The following ACBD5 variants were observed in gnomAD, a reference collection of about 807,000 sequenced individuals.
ACBD5 encodes the protein acyl-CoA binding domain containing 5, also known as acyl-CoA-binding domain-containing protein 5.
A neutral mutation model predicts 71.8 loss-of-function variants in ACBD5; 40 were observed. The ratio of observed to expected loss-of-function variants is 0.56; its 90% CI spans 0.43 to 0.72. ACBD5 has a LOEUF of 0.72. Among genes scored for constraint, ACBD5 ranks in the 30% least tolerant of loss-of-function variants. The pLI, the probability that ACBD5 is intolerant of heterozygous loss-of-function variation, is 0.00. For synonymous variants in ACBD5, 229 were observed against 218.6 expected (o/e 1.05, Z -0.42); for missense variants, 559 against 644.5 (o/e 0.87, Z 1.44).
chr10:27,195,659 C>T lies in ACBD5; in HGVS notation c.*1771G>A, dbSNP rs1211590824. 1.4e-5 allele frequency: 6 copies of T among 420,254 alleles called. No individual in the cohort carries two copies. Among genetic ancestry groups the T allele is most frequent in the African/African-American group, 1.3e-4 (6 of 47,904 alleles). The allele number at this position is 420,254 out of a possible 1,614,324, so 26.0% of individuals were successfully genotyped here. The stretch of plus-strand genomic sequence containing the variant: ...CTTTTTCCTAAATAAATAGGGAACA[C>T]TTTTTTAAAAGCAAATAGTAGTAGA... On this transcript the variant is annotated 3_prime_UTR_variant, in exon 13 of 13. Coordinates refer to ENST00000396271, the MANE Select transcript of ACBD5 (RefSeq NM_145698.5).
At chr10:27,200,638 T>C (rs565599865) in intron 12 of ACBD5, among the ~76,000 whole-genome samples, 233 of 152,134 alleles carry the variant, frequency 1.5e-3, no homozygotes, top group Non-Finnish European at 2.9e-3. Flanking sequence ...TCTGTATTTT[T>C]AGTAGAGATA....
At chr10:27,227,009 A>ATTTTTTTTTTTTTTTTTTTTTTTTTTTT (rs56406048) in intron 4 of ACBD5, among the ~76,000 whole-genome samples, 1 of 78,392 alleles carries the variant, frequency 1.3e-5, no homozygotes, top group Non-Finnish European at 2.2e-5. Context: ...TTTTTTTGCG[A>ATTTTTTTTTTTTTTTTTTTTTTTTTTTT]TTTTTTTTTT....
chr10:27,193,526 A>T (rs1430485894), downstream of ACBD5: 1 of 152,236 alleles, frequency 6.6e-6, no homozygotes, highest in Non-Finnish European at 1.5e-5. Flanking sequence ...ACAAAAATAT[A>T]ACTATGAGAG....
At chr10:27,217,220 C>T (rs1564634007) in intron 7 of ACBD5, among the ~76,000 whole-genome samples, 4 of 146,920 alleles carry the variant, frequency 2.7e-5, no homozygotes, top group South Asian at 2.2e-4. Flanking sequence ...CTTTGGGAGG[C>T]CAAGGCGGGT....
At chr10:27,183,951 AT>A (rs1331017402) in intron 13 of ACBD5, among the ~76,000 whole-genome samples, 1 of 152,154 alleles carries the variant, frequency 6.6e-6, no homozygotes, top group Non-Finnish European at 1.5e-5. Context: ...GGCTCAAGCC[AT>A]CCGCCCACCT....
intron 8 of ACBD5, 72 bp from the exon 9 acceptor site, chr10:27,211,153 T>C (rs1183654968): frequency 1.4e-6 from 2 of 1,428,610 alleles, no homozygotes; most frequent in Non-Finnish European, 9.8e-7. Context: ...TTTACAGCAA[T>C]AGGAGAAATA....
chr10:27,205,113 C>T (rs1265935115), intron 11 of ACBD5, 85 bp downstream of exon 11: 7 of 1,335,004 alleles, frequency 5.2e-6, no homozygotes, highest in African/African-American at 2.9e-5. Flanking sequence ...GGCAACAGAG[C>T]GAGACTCCGT....
intron 6 of ACBD5, among the ~76,000 whole-genome samples, chr10:27,218,580 G>C (rs1016914032): frequency 3.3e-5 from 4 of 119,680 alleles, no homozygotes; most frequent in African/African-American, 1.1e-4. Context: ...GCAAAACTAA[G>C]TTACACAGTT....
At chr10:27,211,306 G>C (rs575901686) in intron 8 of ACBD5, among the ~76,000 whole-genome samples, 1 of 152,080 alleles carries the variant, frequency 6.6e-6, no homozygotes, top group South Asian at 2.1e-4. Context: ...AAGAAGCTTG[G>C]GTAGTAAATT....
intron 6 of ACBD5, 58 bp from the exon 7 acceptor site, chr10:27,218,241 A>G: frequency 2.3e-6 from 3 of 1,324,158 alleles, no homozygotes; most frequent in South Asian, 2.3e-5. Context: ...CCTTCTGCAT[A>G]CCATGTTTTA....
In ACBD5 at chr10:27,221,353, T is replaced by C. The variant is rs78246522; in HGVS notation, c.491-1496A>G. On this transcript the variant is annotated intron_variant, in intron 5 of 12. Transcript: ENST00000396271. ...CCTCGTTTTACTTCAGGTCAGGTTT[T>C]ACTCCCCAGATTTTTAGTTCATATC... Among the ~76,000 whole-genome samples, 897 of 152,324 alleles carry C rather than the reference T, an allele frequency of 5.9e-3. 5 individuals carry two copies. The highest frequency in any genetic ancestry group is 0.021 in the Middle Eastern group (6 of 292).
At position 27,195,337 on chromosome 10, in the gene ACBD5, T is replaced by G. The variant is rs1259463598; in HGVS notation, c.*2093A>C. On this transcript the variant is annotated 3_prime_UTR_variant, in exon 13 of 13. Coordinates refer to ENST00000396271, the MANE Select transcript of ACBD5 (RefSeq NM_145698.5). ...TTCTTATTAAACAAAGCAGGAACAC[T>G]ATATCCTATAATTACATCTTTACTT... is the stretch of plus-strand genomic sequence containing the variant. The G allele has an allele frequency of 4.4e-6, 2 of 453,846 alleles. No homozygotes were observed. The highest frequency in any genetic ancestry group is 8.8e-6 in the Non-Finnish European group (2 of 226,674). 28.1% of individuals were successfully genotyped at this position (453,846 alleles called of 1,614,324 possible). A position where few individuals can be genotyped will look rare whatever the true frequency, so the allele number is the denominator to read the frequency against.
chr10:27,239,893 C>A (rs2065247582), intron 2 of ACBD5, among the ~76,000 whole-genome samples: 1 of 152,150 alleles, frequency 6.6e-6, no homozygotes, highest in Non-Finnish European at 1.5e-5. Flanking sequence ...ACTACAGGCG[C>A]ACGCCACGAA....
At chr10:27,197,683 T>C (rs2059491126) in intron 12 of ACBD5, among the ~76,000 whole-genome samples, 1 of 152,214 alleles carries the variant, frequency 6.6e-6, no homozygotes, top group South Asian at 2.1e-4. Context: ...TCTTGCTCTG[T>C]CGTCCAGGCT....
intron 10 of ACBD5, among the ~76,000 whole-genome samples, chr10:27,206,095 T>C (rs1467668907): frequency 6.6e-6 from 1 of 151,682 alleles, no homozygotes; most frequent in African/African-American, 2.4e-5. Flanking sequence ...AGACACAGGG[T>C]CTTGCCATGC....
At chr10:27,223,512 T>C (rs2062625740) in intron 4 of ACBD5, 60 bp from the exon 5 acceptor site, 2 of 1,173,132 alleles carry the variant, frequency 1.7e-6, no homozygotes, top group African/African-American at 1.5e-5. Flanking sequence ...TCTCCACTAA[T>C]ATCAAATAAT....
Position 27,184,554 on chromosome 10 carries a change from ATTTTT to A in ACBD5, c.1494-1844_1494-1840del, listed in dbSNP as rs752147433. Among the ~76,000 whole-genome samples the A allele has an allele frequency of 4.7e-5, 4 of 84,854 alleles. No individual in the cohort carries two copies. In the South Asian group the frequency reaches 1.4e-3, roughly 30 times the overall value. 55.7% of individuals were successfully genotyped at this position (84,854 alleles called of 152,430 possible). On this transcript the variant is annotated intron_variant, in intron 13 of 13. Coordinates refer to the ACBD5 transcript ENST00000676511. ...AAAAACACTATCACATATAAGAAGG[ATTTTT>A]TTTTTTTTTTTTTTTTTTTGAGACG...
rs922018375 is a variant in ACBD5 at position 27,204,564 on chromosome 10, T to C, written c.1456-15A>G. ...CAAGATGGTCTCTGAGAAAATACAA[T>C]AAGCTTGTCACCAATCTATTCAATA... On this transcript the variant is annotated splice_polypyrimidine_tract_variant and intron_variant, in intron 11 of 12. Coordinates refer to ENST00000396271, the MANE Select transcript of ACBD5 (RefSeq NM_145698.5). 1 of 1,584,954 alleles carries C rather than the reference T, an allele frequency of 6.3e-7. No homozygotes were observed.
chr10:27,186,636 A>G (rs1293542295), intron 13 of ACBD5: 1 of 1,105,324 alleles, frequency 9.0e-7, no homozygotes, highest in Non-Finnish European at 1.4e-6. Context: ...AAAGATCATT[A>G]TTTAACCTAG....
Sources: allele counts gnomAD v4.1 joint callset (sites outside exome capture counted in the v4.1 genomes callset), GRCh38; gene constraint gnomAD v4.1.1; transcripts MANE v1.5; gene names NCBI Gene and HGNC (gene_info 2026-07-23, HGNC 2026-07-21).